The following SDK1 variants were observed in gnomAD, a reference collection of about 807,000 sequenced individuals.
SDK1 encodes the protein sidekick cell adhesion molecule 1, also known as protein sidekick-1.
In SDK1, 157 loss-of-function variants were observed where a neutral mutation model predicts 245.5. The observed-to-expected ratio is 0.64, with a 90% CI of 0.56 to 0.73. The LOEUF (loss-of-function observed/expected upper bound fraction) is 0.73. Ranked by LOEUF, SDK1 falls within the 30% of genes least tolerant of loss-of-function variation. SDK1 has a pLI of 0.00. For synonymous variants in SDK1, 1,647 were observed against 1,278.5 expected (o/e 1.29, Z -6.15); for missense variants, 3,583 against 3,002.3 (o/e 1.19, Z -4.52).
intron 1 of SDK1, among the ~76,000 whole-genome samples, chr7:3,571,718 G>A (rs565025587): frequency 6.6e-6 from 1 of 152,230 alleles, no homozygotes; most frequent in East Asian, 1.9e-4. Flanking sequence ...TTTGAATCAT[G>A]TGAGGAGCTC....
chr7:3,573,314 CAT>C lies in SDK1; in HGVS notation c.299-45765_299-45764del, dbSNP rs1028501124. 4.6e-5 allele frequency among the ~76,000 whole-genome samples: 7 copies of C among 152,112 alleles called. 1 individual carries two copies. Among genetic ancestry groups the C allele is most frequent in the African/African-American group, 1.7e-4 (7 of 41,458 alleles). On this transcript the variant is annotated intron_variant, in intron 1 of 44. Transcript: ENST00000404826. Reference sequence around the variant, plus strand: ...TATGGCCTGCACAGGCAGAAGAACACATGTGATTACGCAGAGGCGGGGCCGGT... The same window carrying C: ...TATGGCCTGCACAGGCAGAAGAACACGTGATTACGCAGAGGCGGGGCCGGT...
Position 3,519,335 on chromosome 7 carries a change from A to G in SDK1, c.299-99745A>G, listed in dbSNP as rs576740501. 2.6e-5 allele frequency among the ~76,000 whole-genome samples: 4 copies of G among 152,272 alleles called. No homozygotes were observed. The South Asian group carries it at 6.2e-4, about 24-fold the overall frequency. ...AATGTTTGAGATGATGAATTATGCT[A>G]ATTACCCATTACTATATATTGTAAT... On this transcript the variant is annotated intron_variant, in intron 1 of 44. Transcript: ENST00000404826.
intron 4 of SDK1, among the ~76,000 whole-genome samples, chr7:3,671,873 G>A (rs1296768377): frequency 6.6e-6 from 1 of 152,156 alleles, no homozygotes; most frequent in African/African-American, 2.4e-5. Context: ...CTGTGAGATT[G>A]GGCAGGTTTT....
At chr7:3,573,407 A>T (rs1780178529) in intron 1 of SDK1, among the ~76,000 whole-genome samples, 1 of 152,050 alleles carries the variant, frequency 6.6e-6, no homozygotes, top group African/African-American at 2.4e-5. Context: ...CCTTGGGATG[A>T]TTTATCAGCA....
intron 17 of SDK1, among the ~76,000 whole-genome samples, chr7:4,034,312 T>C (rs1225044239): frequency 6.6e-6 from 1 of 152,138 alleles, no homozygotes; most frequent in Non-Finnish European, 1.5e-5. Context: ...CAGAAGACGT[T>C]GTGGGAAAAC....
chr7:4,068,971 C>G (rs1293699958), intron 20 of SDK1, among the ~76,000 whole-genome samples: 3 of 152,182 alleles, frequency 2.0e-5, no homozygotes, highest in Admixed American at 6.5e-5. Flanking sequence ...ATCCACCTGC[C>G]TCAGCCTCCC....
rs116461906 is a variant in SDK1 at position 3,511,265 on chromosome 7, A to G, written c.299-107815A>G. On this transcript the variant is annotated intron_variant, in intron 1 of 44. Coordinates refer to ENST00000404826, the MANE Select transcript of SDK1 (RefSeq NM_152744.4). ...ATTTAGTACTTCTGAAAACTTTTCT[A>G]TAGTTAGATTATTTTTGCTTTCTTT... is the stretch of plus-strand genomic sequence containing the variant. 2.5e-3 allele frequency among the ~76,000 whole-genome samples: 380 copies of G among 152,358 alleles called. 4 individuals carry two copies. Among genetic ancestry groups the G allele is most frequent in the African/African-American group, 8.9e-3 (371 of 41,584 alleles).
intron 1 of SDK1, among the ~76,000 whole-genome samples, chr7:3,452,347 G>C (rs1442972249): frequency 6.6e-6 from 1 of 152,158 alleles, no homozygotes; most frequent in Non-Finnish European, 1.5e-5. Flanking sequence ...GGAAGCAGGT[G>C]ATTGATACTA....
intron 2 of SDK1, among the ~76,000 whole-genome samples, chr7:3,626,117 T>TTTTTTTA (rs1554299281): frequency 2.6e-5 from 4 of 151,692 alleles, no homozygotes; most frequent in African/African-American, 7.3e-5. Flanking sequence ...CTATTTTTTT[T>TTTTTTTA]TTTTTAGACA....
At chr7:3,895,317 A>G (rs538487241) in intron 5 of SDK1, among the ~76,000 whole-genome samples, 30 of 152,180 alleles carry the variant, frequency 2.0e-4, no homozygotes, top group Admixed American at 5.2e-4. Context: ...CTTTATAGAA[A>G]CACATTAGAG....
intron 5 of SDK1, among the ~76,000 whole-genome samples, chr7:3,882,974 C>A (rs1252685563): frequency 6.6e-6 from 1 of 152,122 alleles, no homozygotes. Flanking sequence ...TTCCATAGAT[C>A]AGTTGAAGTG....
At chr7:3,900,367 T>C (rs1433675892) in intron 5 of SDK1, among the ~76,000 whole-genome samples, 2 of 152,254 alleles carry the variant, frequency 1.3e-5, no homozygotes, top group Non-Finnish European at 2.9e-5. Flanking sequence ...GTTCATGTTT[T>C]GTGGTCCGCT....
chr7:3,635,729 C>T (rs982006346), intron 2 of SDK1, among the ~76,000 whole-genome samples: 2 of 151,942 alleles, frequency 1.3e-5, no homozygotes, highest in Non-Finnish European at 2.9e-5. Flanking sequence ...TTTCTTGAGA[C>T]AGGATCTGGC....
chr7:3,580,054 A>T (rs576906786), intron 1 of SDK1, among the ~76,000 whole-genome samples: 2 of 152,352 alleles, frequency 1.3e-5, no homozygotes, highest in African/African-American at 2.4e-5. Context: ...AGCCACAAAC[A>T]TAATGTAATA....
Position 3,885,633 on chromosome 7 carries a change from C to G in SDK1, c.847+64050C>G, listed in dbSNP as rs111522294. ...AATTTCGTGTGTCTCTGTTTTCTTTCCTAAGTTGATAAACGCTGTGGTATC... is the reference window on the plus strand; with the variant it reads ...AATTTCGTGTGTCTCTGTTTTCTTTGCTAAGTTGATAAACGCTGTGGTATC... On this transcript the variant is annotated intron_variant, in intron 5 of 44. Transcript: ENST00000404826. 6.6e-5 allele frequency among the ~76,000 whole-genome samples: 10 copies of G among 152,194 alleles called. 1 individual carries two copies. Among genetic ancestry groups the G allele is most frequent in the South Asian group, 4.2e-4 (2 of 4,810 alleles).
intron 1 of SDK1, among the ~76,000 whole-genome samples, chr7:3,372,589 GAA>G (rs768409327): frequency 4.7e-4 from 72 of 152,146 alleles, no homozygotes; most frequent in Non-Finnish European, 7.5e-4. Context: ...TGAGCTTTGA[GAA>G]CGTCACTGGG....
intron 26 of SDK1, among the ~76,000 whole-genome samples, chr7:4,129,078 T>G (rs1344859704): frequency 4.1e-5 from 4 of 98,006 alleles, no homozygotes; most frequent in Non-Finnish European, 6.1e-5. Flanking sequence ...TCCCCTGGAA[T>G]AGAGCAGCTT....
intron 1 of SDK1, among the ~76,000 whole-genome samples, chr7:3,380,458 G>C (rs1430434733): frequency 2.0e-5 from 3 of 152,228 alleles, no homozygotes; most frequent in Non-Finnish European, 4.4e-5. Context: ...AGACTGAAGT[G>C]TCTGCAGAAT....
chr7:4,077,528 A>G (rs960333955), intron 21 of SDK1, among the ~76,000 whole-genome samples: 1 of 152,146 alleles, frequency 6.6e-6, no homozygotes, highest in African/African-American at 2.4e-5. Context: ...GTATTAGTCC[A>G]TTTTCATGCT....
Sources: allele counts gnomAD v4.1 joint callset (sites outside exome capture counted in the v4.1 genomes callset), GRCh38; gene constraint gnomAD v4.1.1; transcripts MANE v1.5; gene names NCBI Gene and HGNC (gene_info 2026-07-23, HGNC 2026-07-21).